The following KCND2 variants were observed in gnomAD, a reference collection of about 807,000 sequenced individuals.
KCND2 encodes the protein A-type voltage-gated potassium channel KCND2.
In KCND2, 16 loss-of-function variants were observed where a neutral mutation model predicts 54.4. That is an observed-to-expected ratio of 0.29 (90% CI 0.20 to 0.45). KCND2 has a LOEUF of 0.45. Among genes scored for constraint, KCND2 ranks in the 20% least tolerant of loss-of-function variants. KCND2 has a pLI of 1.00. For synonymous variants in KCND2, 317 were observed against 310.7 expected (o/e 1.02, Z -0.21); for missense variants, 486 against 824.2 (o/e 0.59, Z 5.02).
In KCND2 at chr7:120,274,514, C is replaced by A; in HGVS notation, c.-119C>A. ...CCCTATCTTGGAATAAGAGTTACACCTCTGGACCACGTTTCTCACTAGTAC... is the reference window on the plus strand; with the variant it reads ...CCCTATCTTGGAATAAGAGTTACACATCTGGACCACGTTTCTCACTAGTAC... On this transcript the variant is annotated 5_prime_UTR_variant, in exon 1 of 6. Transcript: ENST00000331113. 1 of 1,157,228 alleles carries A rather than the reference C, an allele frequency of 8.6e-7. No individual in the cohort carries two copies. Among genetic ancestry groups the A allele is most frequent in the Non-Finnish European group, 1.3e-6 (1 of 768,056 alleles). The allele number at this position is 1,157,228 out of a possible 1,614,324, so 71.7% of individuals were successfully genotyped here. A position where few individuals can be genotyped will look rare whatever the true frequency, so the allele number is the denominator to read the frequency against.
chr7:120,707,115 A>G (rs1312235121), intron 1 of KCND2, among the ~76,000 whole-genome samples: 2 of 152,156 alleles, frequency 1.3e-5, no homozygotes, highest in Non-Finnish European at 2.9e-5. Flanking sequence ...TATGACTATC[A>G]GGAGAGAACT....
At chr7:120,415,145 A>G (rs1376597750) in intron 1 of KCND2, among the ~76,000 whole-genome samples, 1 of 152,200 alleles carries the variant, frequency 6.6e-6, no homozygotes, top group East Asian at 1.9e-4. Context: ...GACTATCAAC[A>G]TTGCCATGTA....
At chr7:120,728,474 A>G (rs899479587) in intron 1 of KCND2, among the ~76,000 whole-genome samples, 3 of 151,928 alleles carry the variant, frequency 2.0e-5, no homozygotes, top group Non-Finnish European at 4.4e-5. Context: ...TATCTGTAGT[A>G]GAGATGGGGT....
intron 1 of KCND2, among the ~76,000 whole-genome samples, chr7:120,326,450 CTTT>C (rs1160733885): frequency 1.3e-5 from 2 of 152,014 alleles, no homozygotes; most frequent in South Asian, 4.1e-4. Context: ...TTTTAAGTGA[CTTT>C]TTCGATTACA....
At chr7:120,552,631 G>A (rs986600779) in intron 1 of KCND2, among the ~76,000 whole-genome samples, 1 of 152,198 alleles carries the variant, frequency 6.6e-6, no homozygotes, top group African/African-American at 2.4e-5. Flanking sequence ...CTTGTTCATC[G>A]GGATTCCTCC....
intron 1 of KCND2, among the ~76,000 whole-genome samples, chr7:120,529,842 C>T (rs576473873): frequency 6.6e-6 from 1 of 152,038 alleles, no homozygotes; most frequent in Non-Finnish European, 1.5e-5. Flanking sequence ...CTGTATTATG[C>T]GAGGCCGAGG....
In KCND2 at chr7:120,571,953, C is replaced by G. The variant is rs555213394; in HGVS notation, c.1116-160950C>G. On this transcript the variant is annotated intron_variant, in intron 1 of 5. Transcript: ENST00000331113. Reference sequence around the variant, plus strand: ...TGGTAAAACTAGGAATAGTGACAGACAGTGTAACAACAGTAAGCAGACATG... The same window carrying G: ...TGGTAAAACTAGGAATAGTGACAGAGAGTGTAACAACAGTAAGCAGACATG... 1.1e-4 allele frequency among the ~76,000 whole-genome samples: 16 copies of G among 152,354 alleles called. No homozygotes were observed. In the South Asian group the frequency reaches 2.9e-3, roughly 28 times the overall value.
At chr7:120,668,566 A>G (rs1056798036) in intron 1 of KCND2, among the ~76,000 whole-genome samples, 2 of 152,128 alleles carry the variant, frequency 1.3e-5, no homozygotes, top group African/African-American at 4.8e-5. Context: ...TTGGTTGAAT[A>G]GTAAAATTAC....
At chr7:120,427,467 T>G (rs1801727451) in intron 1 of KCND2, among the ~76,000 whole-genome samples, 1 of 152,186 alleles carries the variant, frequency 6.6e-6, no homozygotes, top group African/African-American at 2.4e-5. Flanking sequence ...TTCTTCAGAC[T>G]ATTAACATCT....
At chr7:120,730,968 A>G (rs1174948850) in intron 1 of KCND2, among the ~76,000 whole-genome samples, 1 of 152,188 alleles carries the variant, frequency 6.6e-6, no homozygotes, top group Non-Finnish European at 1.5e-5. Context: ...GTCTCTCAGG[A>G]CTACACTCTC....
chr7:120,392,450 TAGTTCTGTGATGAAGAA>T (rs1167916964), intron 1 of KCND2, among the ~76,000 whole-genome samples: 1 of 151,336 alleles, frequency 6.6e-6, no homozygotes, highest in Non-Finnish European at 1.5e-5. Context: ...TTTTTTTTTT[TAGTTCTGTGATGAAGAA>T]AGTTGATTTT....
At chr7:120,704,157 A>G (rs923343060) in intron 1 of KCND2, among the ~76,000 whole-genome samples, 2 of 152,204 alleles carry the variant, frequency 1.3e-5, no homozygotes, top group African/African-American at 4.8e-5. Flanking sequence ...AAAAGTCCAG[A>G]TAAAGACTAT....
chr7:120,293,005 G>C (rs755124378), intron 1 of KCND2, among the ~76,000 whole-genome samples: 1 of 151,760 alleles, frequency 6.6e-6, no homozygotes. Flanking sequence ...GCATTGACTC[G>C]TATGGGTCAT....
intron 1 of KCND2, among the ~76,000 whole-genome samples, chr7:120,710,085 T>C (rs945879889): frequency 6.6e-6 from 1 of 152,184 alleles, no homozygotes; most frequent in Non-Finnish European, 1.5e-5. Context: ...GTCTAATGCA[T>C]CTTACTGCTT....
chr7:120,449,092 G>A (rs780085556), intron 1 of KCND2, among the ~76,000 whole-genome samples: 20 of 152,226 alleles, frequency 1.3e-4, no homozygotes, highest in Middle Eastern at 6.8e-3. Context: ...CACTTTGGGA[G>A]GCCGAGGTGG....
intron 1 of KCND2, among the ~76,000 whole-genome samples, chr7:120,553,327 A>AT (rs1792124127): frequency 6.6e-6 from 1 of 152,072 alleles, no homozygotes; most frequent in African/African-American, 2.4e-5. Context: ...AAATAGCAGG[A>AT]TTTTTTTCTT....
chr7:120,413,603 T>G (rs1584768657), intron 1 of KCND2, among the ~76,000 whole-genome samples: 1 of 152,016 alleles, frequency 6.6e-6, no homozygotes, highest in South Asian at 2.1e-4. Flanking sequence ...TATATATTTT[T>G]TATTATAGCT....
intron 1 of KCND2, among the ~76,000 whole-genome samples, chr7:120,332,258 A>G (rs1800080314): frequency 6.6e-6 from 1 of 152,094 alleles, no homozygotes. Context: ...GACTAGATAA[A>G]GGCAAATATA....
rs567435321 is a variant in KCND2, at chr7:120,396,100, A to T, written c.1115+120353A>T. Among the ~76,000 whole-genome samples, 217 of 150,724 alleles carry T rather than the reference A, an allele frequency of 1.4e-3. 1 individual carries two copies. Among genetic ancestry groups the T allele is most frequent in the African/African-American group, 5.2e-3 (208 of 40,138 alleles). On this transcript the variant is annotated intron_variant, in intron 1 of 5. Coordinates refer to ENST00000331113, the MANE Select transcript of KCND2 (RefSeq NM_012281.3). ...TGAACTTTTAAATAAAGTCAGATTA[A>T]TAGGTACAAGTCCAGGGCCTGATAT...
Sources: allele counts gnomAD v4.1 joint callset (sites outside exome capture counted in the v4.1 genomes callset), GRCh38; gene constraint gnomAD v4.1.1; transcripts MANE v1.5; gene names NCBI Gene and HGNC (gene_info 2026-07-23, HGNC 2026-07-21).